Variants in LNX2 observed in about 807,000 individuals in gnomAD.
LNX2 encodes the protein ligand of Numb protein X 2.
Under a neutral mutation model 66.2 loss-of-function variants are expected in LNX2, and 35 were observed. The observed-to-expected ratio is 0.53, with a 90% CI of 0.40 to 0.70. The LOEUF is 0.70. Among genes scored for constraint, LNX2 ranks in the 30% least tolerant of loss-of-function variants. The pLI, the probability that LNX2 is intolerant of heterozygous loss-of-function variation, is 0.00. For synonymous variants in LNX2, 337 were observed against 315.6 expected (o/e 1.07, Z -0.72); for missense variants, 791 against 850.8 (o/e 0.93, Z 0.87).
intron 1 of LNX2, among the ~76,000 whole-genome samples, chr13:27,615,236 G>A (rs1439455683): frequency 6.6e-6 from 1 of 152,220 alleles, no homozygotes; most frequent in Non-Finnish European, 1.5e-5. Context: ...TAACTTGCTA[G>A]AGCAGCTCAC....
intron 1 of LNX2, among the ~76,000 whole-genome samples, chr13:27,607,098 T>C (rs1300325506): frequency 6.6e-6 from 1 of 152,252 alleles, no homozygotes; most frequent in Non-Finnish European, 1.5e-5. Flanking sequence ...AAATTATTGC[T>C]ACATTTAAGA....
intron 1 of LNX2, among the ~76,000 whole-genome samples, chr13:27,592,329 T>C (rs902481498): frequency 6.6e-6 from 1 of 152,186 alleles, no homozygotes; most frequent in African/African-American, 2.4e-5. Flanking sequence ...TGCTGATTAA[T>C]AAAATGTGTT....
intron 1 of LNX2, among the ~76,000 whole-genome samples, chr13:27,601,573 A>G (rs1955658587): frequency 6.6e-6 from 1 of 152,256 alleles, no homozygotes. Flanking sequence ...TCTCAGCCAT[A>G]AGCTCATAAA....
intron 2 of LNX2, among the ~76,000 whole-genome samples, chr13:27,573,800 T>A (rs561430294): frequency 6.6e-6 from 1 of 151,660 alleles, no homozygotes; most frequent in East Asian, 1.9e-4. Flanking sequence ...ACAACAACAA[T>A]AACAAGTCCT....
At chr13:27,609,129 G>A (rs991094689) in intron 1 of LNX2, among the ~76,000 whole-genome samples, 2 of 144,906 alleles carry the variant, frequency 1.4e-5, no homozygotes, top group African/African-American at 5.1e-5. Flanking sequence ...TTTTCAAAAG[G>A]TTCAAATAAC....
intron 9 of LNX2, among the ~76,000 whole-genome samples, chr13:27,549,335 G>A (rs919313308): frequency 2.0e-5 from 3 of 152,034 alleles, no homozygotes; most frequent in African/African-American, 4.8e-5. Flanking sequence ...TTCTTCCTTC[G>A]TAAACCAGGT....
chr13:27,590,399 A>G (rs1324629988), intron 1 of LNX2, among the ~76,000 whole-genome samples: 1 of 151,896 alleles, frequency 6.6e-6, no homozygotes, highest in Non-Finnish European at 1.5e-5. Context: ...TTATATTTTT[A>G]GTAGAGATGG....
chr13:27,569,168 A>G lies in LNX2; in HGVS notation c.516T>C (p.Gly172=), dbSNP rs1348157708. Residue 172 remains glycine (G), a synonymous_variant, in exon 3 of 10, where the codon GGT becomes GGC. Transcript: ENST00000316334. ...ENGPTLLDPA[G]TLSPEADCLG... is the part of the protein sequence containing the mutation. Reference sequence around the variant, plus strand: ...AACAGTCTGCTTCTGGAGATAAGGTACCTGCAGGATCTAGTAGAGTGGGCC... The same window carrying G: ...AACAGTCTGCTTCTGGAGATAAGGTGCCTGCAGGATCTAGTAGAGTGGGCC... 1.2e-6 allele frequency: 2 copies of G among 1,605,238 alleles called. No homozygotes were observed. Among genetic ancestry groups the G allele is most frequent in the South Asian group, 2.2e-5 (2 of 90,628 alleles).
At position 27,553,258 on chromosome 13, in the gene LNX2, C is replaced by A; in HGVS notation, c.1728G>T (p.Glu576Asp). ...EEQPSTFSEN[E>D]YDASWSPSWV... ...ATGATGGGGACCAACTGGCATCATA[C>A]TCATTTTCGCTGAAAGTACTCGGCT... The change falls in exon 8 of 10, where the codon GAG becomes GAT. Residue 576 changes from glutamate to aspartate, a missense_variant. Transcript: ENST00000316334. The A allele has an allele frequency of 6.2e-7, 1 of 1,614,180 alleles. No homozygotes were observed. Among genetic ancestry groups the A allele is most frequent in the Non-Finnish European group, 8.5e-7 (1 of 1,180,030 alleles).
At chr13:27,594,176 ATTG>A (rs1052245900) in intron 1 of LNX2, among the ~76,000 whole-genome samples, 18 of 152,066 alleles carry the variant, frequency 1.2e-4, no homozygotes, top group Non-Finnish European at 2.4e-4. Flanking sequence ...AAAATATTTC[ATTG>A]TTCTTTTAAT....
At chr13:27,620,301 C>CGCCCGCACCTGAGGCGGCT (rs1181728251) in intron 1 of LNX2, 74 bp downstream of exon 1, 1 of 152,160 alleles carries the variant, frequency 6.6e-6, no homozygotes, top group Non-Finnish European at 1.5e-5. Flanking sequence ...ACCCAGCTGA[C>CGCCCGCACCTGAGGCGGCT]GCCCGCACCT....
At chr13:27,574,852 A>G (rs1955325846) in intron 2 of LNX2, among the ~76,000 whole-genome samples, 1 of 152,204 alleles carries the variant, frequency 6.6e-6, no homozygotes, top group South Asian at 2.1e-4. Context: ...CCTCAATAGT[A>G]TCTGCTGATT....
At chr13:27,555,900 CACTT>C (rs1955054581) in intron 7 of LNX2, among the ~76,000 whole-genome samples, 1 of 152,218 alleles carries the variant, frequency 6.6e-6, no homozygotes, top group Non-Finnish European at 1.5e-5. Context: ...TCTACACAGA[CACTT>C]TATTAAAAGA....
At chr13:27,557,596 C>A (rs969784135) in intron 6 of LNX2, among the ~76,000 whole-genome samples, 8 of 151,872 alleles carry the variant, frequency 5.3e-5, no homozygotes, top group Non-Finnish European at 1.2e-4. Context: ...ATTACATTCA[C>A]AGAATTATAA....
intron 1 of LNX2, among the ~76,000 whole-genome samples, chr13:27,588,021 CAAAAAA>C (rs56812051): frequency 1.1e-5 from 1 of 93,532 alleles, no homozygotes; most frequent in Admixed American, 1.2e-4. Flanking sequence ...ACTCTTGTCA[CAAAAAA>C]AAAAAAAAAA....
intron 5 of LNX2, among the ~76,000 whole-genome samples, chr13:27,560,580 T>TATATATATATAC (rs1361261308): frequency 6.8e-6 from 1 of 147,752 alleles, no homozygotes; most frequent in African/African-American, 2.5e-5. Context: ...TATATATATA[T>TATATATATATAC]ATATAGCATA....
At position 27,547,927 on chromosome 13, in the gene LNX2, G is replaced by A. The variant is rs1954961118; in HGVS notation, c.*408C>T. Reference sequence around the variant, plus strand: ...CATGGTATTGGTTATGACAGTGGCAGTACACGCTGTTGTTACTGGCTTTGC... The same window carrying A: ...CATGGTATTGGTTATGACAGTGGCAATACACGCTGTTGTTACTGGCTTTGC... On this transcript the variant is annotated 3_prime_UTR_variant, in exon 10 of 10. Coordinates refer to ENST00000316334, the MANE Select transcript of LNX2 (RefSeq NM_153371.4). 2 of 176,360 alleles carry A rather than the reference G, an allele frequency of 1.1e-5. No homozygotes were observed. The highest frequency in any genetic ancestry group is 2.7e-4 in the South Asian group (2 of 7,424). The allele number at this position is 176,360 out of a possible 1,614,324, so 10.9% of individuals were successfully genotyped here. A position where few individuals can be genotyped will look rare whatever the true frequency, so the allele number is the denominator to read the frequency against.
At position 27,548,036 on chromosome 13, in the gene LNX2, C is replaced by T; in HGVS notation, c.*299G>A. Reference sequence around the variant, plus strand: ...ACCCACCAGAAGGTCTTTACTCCATCTGGGGCACAGTTTGGGTGAGCTTTG... The same window carrying T: ...ACCCACCAGAAGGTCTTTACTCCATTTGGGGCACAGTTTGGGTGAGCTTTG... On this transcript the variant is annotated 3_prime_UTR_variant, in exon 10 of 10. Transcript: ENST00000316334. The T allele has an allele frequency of 6.0e-6, 2 of 334,834 alleles. No individual in the cohort carries two copies. Among genetic ancestry groups the T allele is most frequent in the Non-Finnish European group, 1.1e-5 (2 of 181,778 alleles). 20.7% of individuals were successfully genotyped at this position (334,834 alleles called of 1,614,324 possible). A position where few individuals can be genotyped will look rare whatever the true frequency, so the allele number is the denominator to read the frequency against.
Position 27,559,962 on chromosome 13 carries a change from T to C in LNX2, c.1248A>G (p.Leu416=). ...GGGGTTTCCCTGGTCTAGCAATTGT[T>C]AAATTCACTCTCTCTCCACTGGCCT... The part of the protein sequence containing the change: ...IIQASGERVN[L]TIARPGKPQP... Residue 416 remains leucine, a synonymous_variant, in exon 6 of 10, where the codon TTA becomes TTG. Coordinates refer to ENST00000316334, the MANE Select transcript of LNX2 (RefSeq NM_153371.4). The C allele has an allele frequency of 6.2e-7, 1 of 1,608,274 alleles. No homozygotes were observed. Among genetic ancestry groups the C allele is most frequent in the Non-Finnish European group, 8.5e-7 (1 of 1,177,152 alleles).
Sources: allele counts gnomAD v4.1 joint callset (sites outside exome capture counted in the v4.1 genomes callset), GRCh38; gene constraint gnomAD v4.1.1; transcripts MANE v1.5; gene names NCBI Gene and HGNC (gene_info 2026-07-23, HGNC 2026-07-21).